The following HORMAD2 variants were observed in gnomAD, a reference collection of about 807,000 sequenced individuals.
The protein encoded by HORMAD2 is HORMA domain containing 2.
Under a neutral mutation model 38.8 loss-of-function variants are expected in HORMAD2, and 45 were observed. That is an observed-to-expected ratio of 1.16 (90% CI 0.91 to 1.49). The LOEUF is 1.49. HORMAD2 is among the 40% of genes most tolerant of loss of function. The pLI is 0.00. For synonymous variants in HORMAD2, 126 were observed against 122.8 expected, an observed-to-expected ratio of 1.03 and a Z score of -0.17; for missense variants, 338 against 367.0, an observed-to-expected ratio of 0.92 and a Z score of 0.65.
At chr22:30,088,250 T>TAC (rs1032944871) in intron 1 of HORMAD2, among the ~76,000 whole-genome samples, 2 of 150,254 alleles carry the variant, frequency 1.3e-5, no homozygotes, top group Admixed American at 6.7e-5. Context: ...TATATACATA[T>TAC]ACACACATAT....
At chr22:30,098,290 G>A (rs554775359) in intron 2 of HORMAD2, among the ~76,000 whole-genome samples, 3 of 152,218 alleles carry the variant, frequency 2.0e-5, no homozygotes, top group East Asian at 3.9e-4. Context: ...GAATCCTGGG[G>A]GATAACCAAT....
At chr22:30,180,932 CTCT>C, downstream of HORMAD2, among the ~76,000 whole-genome samples, 1 of 59,408 alleles carries the variant, frequency 1.7e-5, no homozygotes, top group African/African-American at 8.6e-5. Context: ...CTCTCCTCTC[CTCT>C]CCTCTCCTCT....
chr22:30,149,799 A>G (rs1259773328), intron 10 of HORMAD2, among the ~76,000 whole-genome samples: 1 of 152,192 alleles, frequency 6.6e-6, no homozygotes, highest in Admixed American at 6.5e-5. Context: ...TCATCCATCT[A>G]TTCTTATATG....
At chr22:30,166,708 T>G (rs566914781) in intron 10 of HORMAD2, among the ~76,000 whole-genome samples, 1 of 152,362 alleles carries the variant, frequency 6.6e-6, no homozygotes, top group Non-Finnish European at 1.5e-5. Context: ...TTTACAAATA[T>G]TTCTGTTGTC....
intron 10 of HORMAD2, among the ~76,000 whole-genome samples, chr22:30,172,966 G>A (rs1427868056): frequency 6.6e-6 from 1 of 152,072 alleles, no homozygotes; most frequent in African/African-American, 2.4e-5. Flanking sequence ...TGATAATACT[G>A]CATAGTAAAT....
intron 1 of HORMAD2, among the ~76,000 whole-genome samples, chr22:30,091,398 T>G (rs2068683420): frequency 6.6e-6 from 1 of 151,758 alleles, no homozygotes; most frequent in Non-Finnish European, 1.5e-5. Flanking sequence ...CCCAAGTAGC[T>G]GGGACTATAG....
At chr22:30,102,191 G>T (rs370563340) in intron 3 of HORMAD2, among the ~76,000 whole-genome samples, 37 of 152,318 alleles carry the variant, frequency 2.4e-4, no homozygotes, top group African/African-American at 8.7e-4. Context: ...TTTGGTCTAT[G>T]AGATACAAAC....
chr22:30,148,283 G>A (rs917037158), intron 10 of HORMAD2, among the ~76,000 whole-genome samples: 1 of 152,096 alleles, frequency 6.6e-6, no homozygotes, highest in Non-Finnish European at 1.5e-5. Flanking sequence ...AGATGCAAAA[G>A]ACTAAATACC....
At chr22:30,195,444 C>T in the HORMAD2 span, among the ~76,000 whole-genome samples, 1 of 152,148 alleles carries the variant, frequency 6.6e-6, no homozygotes, top group African/African-American at 2.4e-5. Flanking sequence ...GAAGGATTCA[C>T]AAAGAGGGGA....
intron 5 of HORMAD2, among the ~76,000 whole-genome samples, chr22:30,108,389 G>T (rs1346270827): frequency 6.6e-6 from 1 of 152,132 alleles, no homozygotes; most frequent in East Asian, 1.9e-4. Context: ...GGGCATCACT[G>T]TCATTCCCAT....
intron 10 of HORMAD2, among the ~76,000 whole-genome samples, chr22:30,166,537 A>G (rs551279725): frequency 6.6e-6 from 1 of 152,358 alleles, no homozygotes; most frequent in South Asian, 2.1e-4. Context: ...ATAAATGTGT[A>G]ACTGAACACT....
the HORMAD2 span, among the ~76,000 whole-genome samples, chr22:30,197,642 A>C: frequency 1.3e-5 from 2 of 152,216 alleles, no homozygotes; most frequent in Non-Finnish European, 2.9e-5. Context: ...TAGTCAAAGG[A>C]AACCAGTTAT....
At chr22:30,081,751 A>T (rs984366568) in intron 1 of HORMAD2, among the ~76,000 whole-genome samples, 2 of 149,962 alleles carry the variant, frequency 1.3e-5, no homozygotes, top group African/African-American at 2.5e-5. Flanking sequence ...AAATTTTTTT[A>T]TTTTTTTTTA....
At chr22:30,155,674 A>G (rs1925027762) in intron 10 of HORMAD2, among the ~76,000 whole-genome samples, 1 of 151,900 alleles carries the variant, frequency 6.6e-6, no homozygotes, top group Non-Finnish European at 1.5e-5. Context: ...ACACACACAC[A>G]TCTATATTTA....
intron 5 of HORMAD2, among the ~76,000 whole-genome samples, chr22:30,109,930 C>G (rs1185958651): frequency 6.6e-6 from 1 of 152,112 alleles, no homozygotes; most frequent in Non-Finnish European, 1.5e-5. Context: ...GTGTCCCTCT[C>G]GTCTCTAGCA....
chr22:30,079,339 T>C (rs1356725645), upstream of HORMAD2, among the ~76,000 whole-genome samples: 1 of 151,948 alleles, frequency 6.6e-6, no homozygotes, highest in Admixed American at 6.6e-5. Flanking sequence ...AAAACTGAGA[T>C]TAGGGGTAGG....
At chr22:30,088,192 T>C (rs141232275) in intron 1 of HORMAD2, among the ~76,000 whole-genome samples, 18 of 145,750 alleles carry the variant, frequency 1.2e-4, no homozygotes, top group African/African-American at 4.6e-4. Context: ...CATATATACC[T>C]ATGTATACAT....
intron 4 of HORMAD2, 90 bp from the exon 5 acceptor site, chr22:30,104,311 C>G (rs1411471195): frequency 2.0e-6 from 2 of 1,008,372 alleles, no homozygotes; most frequent in African/African-American, 3.2e-5. Context: ...TAATGTACAT[C>G]AAAGCAAAAA....
intron 10 of HORMAD2, among the ~76,000 whole-genome samples, chr22:30,166,405 A>G (rs923936041): frequency 6.6e-6 from 1 of 152,240 alleles, no homozygotes; most frequent in African/African-American, 2.4e-5. Context: ...ATTGAGCACC[A>G]GAAATGTGGC....
Sources: allele counts gnomAD v4.1 joint callset (sites outside exome capture counted in the v4.1 genomes callset), GRCh38; gene constraint gnomAD v4.1.1; transcripts MANE v1.5; gene names NCBI Gene and HGNC (gene_info 2026-07-23, HGNC 2026-07-21).